DCST1: variants seen among roughly 807,000 people sequenced by gnomAD.
DCST1 encodes the protein DC-STAMP domain containing 1.
DCST1 carries 78 observed loss-of-function variants against 89.1 expected under a neutral mutation model. The ratio of observed to expected loss-of-function variants is 0.88; its 90% CI spans 0.73 to 1.06. DCST1 has a LOEUF of 1.06. Among genes scored for constraint, DCST1 ranks in the 50% least tolerant of loss-of-function variants. The probability of loss-of-function intolerance (pLI) is 0.00; values close to 1 mark genes in which losing one functional copy is unlikely to be tolerated. For missense variants in DCST1, 900 were observed against 928.6 expected, an observed-to-expected ratio of 0.97 and a Z score of 0.40; for synonymous variants, 364 against 371.9, an observed-to-expected ratio of 0.98 and a Z score of 0.24.
chr1:155,035,051 AATTCATTC>A, intron 4 of DCST1: 1 of 285,226 alleles, frequency 3.5e-6, no homozygotes, highest in Non-Finnish European at 6.4e-6. Context: ...TAAGAAATTA[AATTCATTC>A]ATTCATTCAT....
intron 16 of DCST1, chr1:155,049,103 G>A (rs919965215): frequency 8.9e-5 from 64 of 715,862 alleles, no homozygotes; most frequent in Non-Finnish European, 1.4e-4. Context: ...GTGGGACTCC[G>A]GTGCCAGAGG....
Position 155,046,398 on chromosome 1 carries a change from G to A in DCST1, c.1407G>A (p.Leu469=). Residue 469 remains leucine (L), a synonymous_variant, in exon 13 of 17, where the codon CTG becomes CTA. Coordinates refer to ENST00000295542, the MANE Select transcript of DCST1 (RefSeq NM_152494.4). The part of the protein sequence containing the change: ...ELLETLPILL[L]LVVLCGLDWA... ...TGGAGACACTGCCCATTCTGCTGCT[G>A]CTGGTGGTGCTGTGTGGCTTGGACT... The A allele has an allele frequency of 6.2e-7, 1 of 1,614,068 alleles. No individual in the cohort carries two copies. Among genetic ancestry groups the A allele is most frequent in the Non-Finnish European group, 8.5e-7 (1 of 1,180,022 alleles).
At chr1:155,047,358 G>C (rs1660685697) in intron 14 of DCST1, 46 bp downstream of exon 14, 2 of 1,546,406 alleles carry the variant, frequency 1.3e-6, no homozygotes, top group African/African-American at 1.4e-5. Context: ...AGGGCGGTGG[G>C]GCAAGGGTCA....
chr1:155,041,845 G>A lies in DCST1; in HGVS notation c.880G>A (p.Gly294Ser). 1 of 1,614,208 alleles carries A rather than the reference G, an allele frequency of 6.2e-7. No homozygotes were observed. Among genetic ancestry groups the A allele is most frequent in the Non-Finnish European group, 8.5e-7 (1 of 1,180,030 alleles). ...CLPMKFKFFC[G>S]IAKVMEVWCR... The stretch of plus-strand genomic sequence containing the variant: ...GCCTATGAAGTTCAAGTTCTTCTGT[G>A]GCATTGCCAAGGGTCTGCACAGTTG... Residue 294 changes from glycine (G) to serine (S), a missense_variant, in exon 8 of 17, where the codon GGC (glycine) becomes AGC (serine). Transcript: ENST00000295542.
chr1:155,036,387 C>A (rs931452395), intron 4 of DCST1, among the ~76,000 whole-genome samples: 11 of 152,186 alleles, frequency 7.2e-5, no homozygotes, highest in African/African-American at 2.7e-4. Flanking sequence ...CCTACTTCAA[C>A]AATTAAGACT....
At chr1:155,042,978 A>T in intron 9 of DCST1, 122 bp downstream of exon 9, 8 of 800,366 alleles carry the variant, frequency 1.0e-5, no homozygotes, top group Non-Finnish European at 1.4e-5. Context: ...GGGGTGAGGG[A>T]GGGGGACAAG....
chr1:155,042,902 G>A (rs767686905), intron 9 of DCST1, 46 bp downstream of exon 9: 2 of 1,608,846 alleles, frequency 1.2e-6, no homozygotes, highest in East Asian at 2.2e-5. Context: ...TAGGGAGTGG[G>A]AGGAGGGCAT....
intron 13 of DCST1, 118 bp from the exon 14 acceptor site, chr1:155,047,078 A>T: frequency 1.2e-6 from 1 of 858,380 alleles, no homozygotes; most frequent in African/African-American, 1.7e-5. Flanking sequence ...AGGGACAGAA[A>T]GACTCAGGCA....
At chr1:155,039,157 G>A (rs1331854142) in intron 4 of DCST1, among the ~76,000 whole-genome samples, 9 of 152,164 alleles carry the variant, frequency 5.9e-5, no homozygotes, top group Non-Finnish European at 7.4e-5. Context: ...AATCATTTGT[G>A]GTTTTTTAAG....
Position 155,042,789 on chromosome 1 carries a change from C to A in DCST1, c.947C>A (p.Thr316Asn). The A allele has an allele frequency of 5.0e-6, 8 of 1,614,172 alleles. No homozygotes were observed. The highest frequency in any genetic ancestry group is 6.8e-6 in the Non-Finnish European group (8 of 1,180,042). The stretch of plus-strand genomic sequence containing the variant: ...CCAGTGGAAGGCAACTTTGGGCAGA[C>A]CTACGACTCCCTCAACCAGTCTATT... ...RIPVEGNFGQ[T>N]YDSLNQSIRG... Residue 316 changes from threonine to asparagine, a missense_variant, in exon 9 of 17, where the codon ACC (threonine) becomes AAC (asparagine). Physicochemically the swap from Thr to Asn is moderately conservative, Grantham distance 65. Transcript: ENST00000295542.
chr1:155,050,807 G>A lies in DCST1; in HGVS notation c.2060G>A (p.Arg687His). 6.2e-7 allele frequency: 1 copy of A among 1,612,332 alleles called. No homozygotes were observed. Among genetic ancestry groups the A allele is most frequent in the Non-Finnish European group, 8.5e-7 (1 of 1,179,390 alleles). ...CAGCGGTGCCCGGTCTGCACGCCCC[G>A]CGAAGAGCTCTCTTCCTCCGCCTTT... ...MRQRCPVCTP[R>H]EELSSSAFSD... is the part of the protein sequence containing the mutation. Residue 687 changes from arginine (R) to histidine (H), a missense_variant, in exon 17 of 17, where the codon CGC (arginine) becomes CAC (histidine). Coordinates refer to ENST00000295542, the MANE Select transcript of DCST1 (RefSeq NM_152494.4).
At chr1:155,036,834 T>A (rs1478183035) in intron 4 of DCST1, among the ~76,000 whole-genome samples, 1 of 152,210 alleles carries the variant, frequency 6.6e-6, no homozygotes, top group African/African-American at 2.4e-5. Context: ...AAGCCCCCCT[T>A]CAGGGGCCAC....
chr1:155,035,110 G>A, intron 4 of DCST1: 1 of 224,492 alleles, frequency 4.5e-6, no homozygotes, highest in Non-Finnish European at 8.9e-6. Flanking sequence ...TGAGGATTTA[G>A]CAGTAAACAA....
chr1:155,050,595 G>A (rs1007468948), intron 16 of DCST1, 22 bp from the exon 17 acceptor site: 1 of 1,555,978 alleles, frequency 6.4e-7, no homozygotes, highest in Non-Finnish European at 8.7e-7. Context: ...CCGGGCTGGC[G>A]CTAACGCCCA....
At chr1:155,035,592 C>T (rs1433642604) in intron 4 of DCST1, among the ~76,000 whole-genome samples, 1 of 152,128 alleles carries the variant, frequency 6.6e-6, no homozygotes, top group Non-Finnish European at 1.5e-5. Flanking sequence ...TCTGGCATCA[C>T]ATCTTCATAC....
intron 4 of DCST1, among the ~76,000 whole-genome samples, chr1:155,038,450 G>A (rs1412940280): frequency 6.6e-6 from 1 of 152,240 alleles, no homozygotes; most frequent in Admixed American, 6.5e-5. Flanking sequence ...TAGCAAGAGA[G>A]GACATAGGGA....
At chr1:155,038,958 G>A (rs976192846) in intron 4 of DCST1, among the ~76,000 whole-genome samples, 1 of 152,192 alleles carries the variant, frequency 6.6e-6, no homozygotes, top group Non-Finnish European at 1.5e-5. Flanking sequence ...CAGGGACTGC[G>A]AGTGCTGTAG....
At chr1:155,045,546 G>A (rs1044191875) in intron 10 of DCST1, 16 of 306,218 alleles carry the variant, frequency 5.2e-5, no homozygotes, top group Non-Finnish European at 6.9e-5. Flanking sequence ...AACTCTGCTC[G>A]ATATTCATCC....
At chr1:155,045,528 CT>C (rs1164125155) in intron 10 of DCST1, 4 of 255,574 alleles carry the variant, frequency 1.6e-5, no homozygotes, top group Non-Finnish European at 3.1e-5. Context: ...GAGTTTCCCC[CT>C]CTCTGTAACT....
Sources: allele counts gnomAD v4.1 joint callset (sites outside exome capture counted in the v4.1 genomes callset), GRCh38; gene constraint gnomAD v4.1.1; transcripts MANE v1.5; gene names NCBI Gene and HGNC (gene_info 2026-07-23, HGNC 2026-07-21).